CHST11: variants seen among roughly 807,000 people sequenced by gnomAD.
CHST11 encodes carbohydrate sulfotransferase 11.
In CHST11, 9 loss-of-function variants were observed where a neutral mutation model predicts 30.4. The ratio of observed to expected loss-of-function variants is 0.30; its 90% CI spans 0.18 to 0.52. CHST11 has a LOEUF of 0.52. Ranked by LOEUF, CHST11 falls within the 20% of genes least tolerant of loss-of-function variation. CHST11 has a pLI of 0.97. For synonymous variants in CHST11, 152 were observed against 187.8 expected, an observed-to-expected ratio of 0.81 and a Z score of 1.56; for missense variants, 348 against 460.6, an observed-to-expected ratio of 0.76 and a Z score of 2.24.
At chr12:104,713,901 C>T (rs2040108236) in intron 2 of CHST11, among the ~76,000 whole-genome samples, 1 of 152,134 alleles carries the variant, frequency 6.6e-6, no homozygotes, top group South Asian at 2.1e-4. Flanking sequence ...GCATTTTTGC[C>T]AACCCACCCA....
chr12:104,545,046 G>A (rs1440403253), intron 1 of CHST11, among the ~76,000 whole-genome samples: 1 of 152,166 alleles, frequency 6.6e-6, no homozygotes, highest in African/African-American at 2.4e-5. Flanking sequence ...GCTTGTCCCT[G>A]TGGATGGCAA....
chr12:104,568,291 C>T lies in CHST11; in HGVS notation c.119-33615C>T, dbSNP rs145789317. Among the ~76,000 whole-genome samples, 279 of 152,274 alleles carry T rather than the reference C, an allele frequency of 1.8e-3. 3 individuals carry two copies. Among genetic ancestry groups the T allele is most frequent in the African/African-American group, 5.2e-3 (216 of 41,556 alleles). On this transcript the variant is annotated intron_variant, in intron 1 of 2. Coordinates refer to ENST00000303694, the MANE Select transcript of CHST11 (RefSeq NM_018413.6). ...TGCTGCTCTGCTGTCTAGCAGCTAC[C>T]GTTGCCATGGAGCAGCAAGAGGTAC...
chr12:104,694,682 A>C (rs1314290513), intron 2 of CHST11, among the ~76,000 whole-genome samples: 2 of 152,116 alleles, frequency 1.3e-5, no homozygotes, highest in Non-Finnish European at 2.9e-5. Flanking sequence ...GGCAGAGGGG[A>C]CATGGGCCTT....
intron 1 of CHST11, among the ~76,000 whole-genome samples, chr12:104,490,601 A>G (rs1337282288): frequency 6.6e-6 from 1 of 152,196 alleles, no homozygotes. Flanking sequence ...AACAAAAGCA[A>G]GAGAGAGAGA....
intron 2 of CHST11, among the ~76,000 whole-genome samples, chr12:104,750,247 C>T (rs2040418301): frequency 6.6e-6 from 1 of 151,820 alleles, no homozygotes; most frequent in African/African-American, 2.4e-5. Context: ...AGTCCTCATG[C>T]AGCACAGAAA....
chr12:104,624,146 T>G (rs986648086), intron 2 of CHST11, among the ~76,000 whole-genome samples: 1 of 152,148 alleles, frequency 6.6e-6, no homozygotes, highest in African/African-American at 2.4e-5. Flanking sequence ...ATGCAGCTCA[T>G]TAAGATGCAC....
intron 2 of CHST11, among the ~76,000 whole-genome samples, chr12:104,667,250 G>A (rs988990593): frequency 6.6e-6 from 1 of 152,084 alleles, no homozygotes; most frequent in Admixed American, 6.5e-5. Flanking sequence ...GAAGTTGACA[G>A]CACTTTGGCA....
chr12:104,608,065 C>T (rs889105352), intron 2 of CHST11, among the ~76,000 whole-genome samples: 4 of 152,048 alleles, frequency 2.6e-5, no homozygotes, highest in African/African-American at 9.7e-5. Context: ...TCACTGCTGG[C>T]GATTCTGATT....
At chr12:104,666,239 A>G (rs531184683) in intron 2 of CHST11, among the ~76,000 whole-genome samples, 1 of 152,328 alleles carries the variant, frequency 6.6e-6, no homozygotes, top group Non-Finnish European at 1.5e-5. Flanking sequence ...AGCATTTGAA[A>G]TGATCACGGG....
chr12:104,628,965 G>C (rs2039245389), intron 2 of CHST11, among the ~76,000 whole-genome samples: 1 of 152,166 alleles, frequency 6.6e-6, no homozygotes, highest in African/African-American at 2.4e-5. Flanking sequence ...ATGAAACAAG[G>C]GGGAGCTGGA....
chr12:104,656,730 A>G (rs1286898648), intron 2 of CHST11, among the ~76,000 whole-genome samples: 1 of 152,172 alleles, frequency 6.6e-6, no homozygotes. Flanking sequence ...CTCACAAACC[A>G]TCTTCGTGAC....
At chr12:104,643,554 C>G (rs1258461500) in intron 2 of CHST11, among the ~76,000 whole-genome samples, 1 of 152,112 alleles carries the variant, frequency 6.6e-6, no homozygotes, top group East Asian at 1.9e-4. Context: ...AGATTTCTTC[C>G]AATATGCTCT....
intron 2 of CHST11, among the ~76,000 whole-genome samples, chr12:104,647,417 T>C (rs2039444841): frequency 6.6e-6 from 1 of 152,208 alleles, no homozygotes; most frequent in African/African-American, 2.4e-5. Context: ...AAAATGATCA[T>C]TTTGGAAAAC....
At position 104,457,292 on chromosome 12, in the gene CHST11, C is replaced by A; in HGVS notation, c.-120C>A. 1 of 659,080 alleles carries A rather than the reference C, an allele frequency of 1.5e-6. No homozygotes were observed. Among genetic ancestry groups the A allele is most frequent in the Non-Finnish European group, 2.6e-6 (1 of 378,966 alleles). 40.8% of individuals were successfully genotyped at this position (659,080 alleles called of 1,614,324 possible). A position where few individuals can be genotyped will look rare whatever the true frequency, so the allele number is the denominator to read the frequency against. On this transcript the variant is annotated 5_prime_UTR_variant, in exon 1 of 3. In the 5' UTR this introduces an upstream ATG that the reference lacks. Transcript: ENST00000303694. The stretch of plus-strand genomic sequence containing the variant: ...CCGCGAAGCGACTCCGATCCTCCCT[C>A]TGAGCCTTGCTCAGCTCTGCCCCGC...
intron 2 of CHST11, among the ~76,000 whole-genome samples, chr12:104,673,438 T>C (rs973276669): frequency 6.6e-6 from 1 of 152,216 alleles, no homozygotes; most frequent in African/African-American, 2.4e-5. Flanking sequence ...CTATTTGACT[T>C]GGACAAGTAA....
chr12:104,710,756 T>C (rs113498006), intron 2 of CHST11, among the ~76,000 whole-genome samples: 3 of 152,158 alleles, frequency 2.0e-5, no homozygotes, highest in Admixed American at 6.5e-5. Flanking sequence ...CCTCCCCTCT[T>C]CTATTTAACA....
At chr12:104,496,816 T>C (rs965868141) in intron 1 of CHST11, among the ~76,000 whole-genome samples, 2 of 152,154 alleles carry the variant, frequency 1.3e-5, no homozygotes, top group Non-Finnish European at 2.9e-5. Flanking sequence ...ATGTTTTATG[T>C]ATGGTGTGTT....
At chr12:104,720,554 A>C (rs1434972375) in intron 2 of CHST11, among the ~76,000 whole-genome samples, 1 of 152,158 alleles carries the variant, frequency 6.6e-6, no homozygotes, top group Non-Finnish European at 1.5e-5. Context: ...GACCACGGCC[A>C]CCTACCACCC....
intron 1 of CHST11, among the ~76,000 whole-genome samples, chr12:104,519,922 G>A (rs1811926585): frequency 6.6e-6 from 1 of 152,148 alleles, no homozygotes; most frequent in African/African-American, 2.4e-5. Flanking sequence ...GTGCAGGGTT[G>A]GTTCCTAAAG....
Sources: gnomAD v4.1 joint callset for allele counts (sites outside exome capture counted in the v4.1 genomes callset) on GRCh38, gnomAD v4.1.1 for gene constraint, MANE v1.5 for transcripts, NCBI Gene and HGNC (gene_info 2026-07-23, HGNC 2026-07-21) for gene names.